Variants in CPED1 observed in about 807,000 individuals in gnomAD.
CPED1 encodes cadherin like and PC-esterase domain containing 1.
Under a neutral mutation model 128.2 loss-of-function variants are expected in CPED1, and 114 were observed. The ratio of observed to expected loss-of-function variants is 0.89; its 90% CI spans 0.76 to 1.04. The LOEUF is 1.04. Among genes scored for constraint, CPED1 ranks in the 50% least tolerant of loss-of-function variants. CPED1 has a pLI of 0.00. For synonymous variants in CPED1, 462 were observed against 426.7 expected (o/e 1.08, Z -1.02); for missense variants, 1,211 against 1,207.1 (o/e 1.00, Z -0.05).
chr7:121,031,939 G>A (rs949996484), intron 3 of CPED1, among the ~76,000 whole-genome samples: 2 of 152,074 alleles, frequency 1.3e-5, no homozygotes, highest in Non-Finnish European at 2.9e-5. Context: ...AAAATATAGT[G>A]TATTACTTTA....
intron 16 of CPED1, among the ~76,000 whole-genome samples, chr7:121,221,253 G>A (rs1360033503): frequency 6.6e-6 from 1 of 152,090 alleles, no homozygotes; most frequent in Non-Finnish European, 1.5e-5. Flanking sequence ...TCAGAATGAC[G>A]GTTTCCAGCT....
chr7:121,291,963 C>T (rs1190700856), intron 22 of CPED1, among the ~76,000 whole-genome samples: 2 of 151,948 alleles, frequency 1.3e-5, no homozygotes, highest in East Asian at 3.9e-4. Context: ...TTATTATTTT[C>T]AGATACATTC....
Position 120,989,848 on chromosome 7 carries a change from G to A in CPED1, c.227G>A (p.Gly76Asp). The A allele has an allele frequency of 1.9e-6, 3 of 1,614,042 alleles. No homozygotes were observed. The African/African-American group carries it at 4.0e-5, about 22-fold the overall frequency. Residue 76 changes from glycine (G) to aspartate (D), a missense_variant, in exon 2 of 23, where the codon GGT (glycine) becomes GAT (aspartate). Physicochemically the swap from Gly to Asp is moderately conservative, Grantham distance 94. Transcript: ENST00000310396. ...GACAAACAGTGCTTCCTTCTCTCTG[G>A]TAATGCCCAGGAAACCAGAAAGGTA... ...SQDKQCFLLS[G>D]NAQETRKVKE...
At position 121,267,278 on chromosome 7, in the gene CPED1, G is replaced by T. The variant is rs781388448; in HGVS notation, c.2697G>T (p.Val899=). The change falls in exon 21 of 23, where the codon GTG becomes GTT. Residue 899 remains valine (V), a synonymous_variant. Transcript: ENST00000310396. The stretch of plus-strand genomic sequence containing the variant: ...TGGGAATTGGATTTCATCTGCCAGT[G>T]GATGGAGTACATTTCTTAACACAGG... The part of the protein sequence containing the change: ...KTLGIGFHLP[V]DGVHFLTQSE... The T allele has an allele frequency of 3.1e-6, 5 of 1,593,340 alleles. No homozygotes were observed. Among genetic ancestry groups the T allele is most frequent in the Non-Finnish European group, 3.4e-6 (4 of 1,165,910 alleles).
At chr7:121,250,156 G>A (rs1422728157) in intron 18 of CPED1, among the ~76,000 whole-genome samples, 1 of 152,114 alleles carries the variant, frequency 6.6e-6, no homozygotes, top group Non-Finnish European at 1.5e-5. Context: ...TAGAACTCAG[G>A]ATTAAGAAAC....
chr7:121,247,509 C>T (rs957558538), intron 18 of CPED1, among the ~76,000 whole-genome samples: 2 of 152,136 alleles, frequency 1.3e-5, no homozygotes, highest in African/African-American at 2.4e-5. Flanking sequence ...CAGATGGCAA[C>T]ACAGATGCTA....
At chr7:121,083,127 G>C (rs1794333172) in intron 5 of CPED1, among the ~76,000 whole-genome samples, 1 of 152,042 alleles carries the variant, frequency 6.6e-6, no homozygotes, top group Admixed American at 6.6e-5. Context: ...TCCTCCTTGA[G>C]GGTCCTCCTT....
chr7:121,003,766 G>T (rs1791929598), intron 2 of CPED1, among the ~76,000 whole-genome samples: 2 of 152,138 alleles, frequency 1.3e-5, no homozygotes, highest in African/African-American at 4.8e-5. Flanking sequence ...CAGTCAGGTT[G>T]GAGAAAGTGT....
At chr7:121,209,845 A>G (rs1281352497) in intron 16 of CPED1, among the ~76,000 whole-genome samples, 3 of 152,038 alleles carry the variant, frequency 2.0e-5, no homozygotes, top group Non-Finnish European at 4.4e-5. Flanking sequence ...AATATCTTCA[A>G]ACTATCCATT....
At chr7:121,140,477 A>T (rs78333717) in intron 14 of CPED1, among the ~76,000 whole-genome samples, 2,307 of 152,132 alleles carry the variant, frequency 0.015, 27 homozygotes, top group Non-Finnish European at 0.023. Context: ...CCACTTACAT[A>T]GTTGCTTGAT....
At chr7:121,252,869 G>C (rs1047439311) in intron 18 of CPED1, among the ~76,000 whole-genome samples, 6 of 152,170 alleles carry the variant, frequency 3.9e-5, no homozygotes, top group Non-Finnish European at 5.9e-5. Context: ...TGGTGGGACT[G>C]TAAACTAGTT....
At chr7:121,181,477 A>G (rs1796895551) in intron 16 of CPED1, among the ~76,000 whole-genome samples, 1 of 151,348 alleles carries the variant, frequency 6.6e-6, no homozygotes, top group Admixed American at 6.7e-5. Context: ...TTTGAAATAC[A>G]TTTCTCAAAA....
At chr7:121,119,465 C>T (rs887846163) in intron 7 of CPED1, among the ~76,000 whole-genome samples, 5 of 150,624 alleles carry the variant, frequency 3.3e-5, no homozygotes, top group African/African-American at 1.2e-4. Flanking sequence ...GCGCCCGGCC[C>T]CCAAAATTTT....
chr7:121,073,473 T>C (rs560873807), intron 5 of CPED1, among the ~76,000 whole-genome samples: 10 of 152,316 alleles, frequency 6.6e-5, no homozygotes, highest in African/African-American at 2.2e-4. Context: ...TTTTTTGCTT[T>C]TTCATTTCTC....
intron 16 of CPED1, among the ~76,000 whole-genome samples, chr7:121,222,325 TG>T (rs1671240237): frequency 6.6e-6 from 1 of 152,218 alleles, no homozygotes; most frequent in African/African-American, 2.4e-5. Flanking sequence ...ATCTCTGTTT[TG>T]GTACCAGTAC....
chr7:121,163,316 T>C (rs1796452376), intron 16 of CPED1, among the ~76,000 whole-genome samples: 1 of 152,208 alleles, frequency 6.6e-6, no homozygotes. Flanking sequence ...AAACCAACTC[T>C]GGCTAACCTA....
chr7:121,170,119 C>T (rs2116464249), intron 16 of CPED1, among the ~76,000 whole-genome samples: 1 of 152,260 alleles, frequency 6.6e-6, no homozygotes, highest in East Asian at 1.9e-4. Flanking sequence ...AGGTCGATAG[C>T]CAGTGAGTGT....
chr7:121,060,716 A>G (rs772019685), intron 4 of CPED1, among the ~76,000 whole-genome samples: 4 of 152,168 alleles, frequency 2.6e-5, no homozygotes, highest in Non-Finnish European at 5.9e-5. Flanking sequence ...GGCTCTACCA[A>G]TCAGCAGGAT....
chr7:121,061,814 A>C (rs1160727599), intron 4 of CPED1, among the ~76,000 whole-genome samples: 1 of 152,246 alleles, frequency 6.6e-6, no homozygotes, highest in East Asian at 1.9e-4. Context: ...TAGGTTTAAC[A>C]ATTAAAAAGT....
Sources: gnomAD v4.1 joint callset for allele counts (sites outside exome capture counted in the v4.1 genomes callset) on GRCh38, gnomAD v4.1.1 for gene constraint, MANE v1.5 for transcripts, NCBI Gene and HGNC (gene_info 2026-07-23, HGNC 2026-07-21) for gene names.